LNX1: variants seen among roughly 807,000 people sequenced by gnomAD.
LNX1 encodes the protein E3 ubiquitin-protein ligase LNX.
LNX1 carries 54 observed loss-of-function variants against 68.4 expected under a neutral mutation model. That is an observed-to-expected ratio of 0.79 (90% CI 0.63 to 0.99). LNX1 has a LOEUF of 0.99. Ranked by LOEUF, LNX1 falls within the 50% of genes least tolerant of loss-of-function variation. The pLI is 0.00. For synonymous variants in LNX1, 336 were observed against 350.0 expected (o/e 0.96, Z 0.45); for missense variants, 906 against 926.4 (o/e 0.98, Z 0.29).
intron 1 of LNX1, among the ~76,000 whole-genome samples, chr4:53,647,782 C>T (rs544046360): frequency 6.6e-6 from 1 of 152,352 alleles, no homozygotes; most frequent in Admixed American, 6.5e-5. Flanking sequence ...TTTCCCTCAG[C>T]CCCCGGCAAC....
chr4:53,472,706 A>C (rs1242978605), intron 9 of LNX1, among the ~76,000 whole-genome samples: 2 of 149,448 alleles, frequency 1.3e-5, no homozygotes, highest in African/African-American at 4.9e-5. Context: ...AAAACAAAAA[A>C]CAATGGGGAA....
At chr4:53,600,916 A>G (rs1402564645) in intron 2 of LNX1, among the ~76,000 whole-genome samples, 1 of 150,572 alleles carries the variant, frequency 6.6e-6, no homozygotes, top group Non-Finnish European at 1.5e-5. Flanking sequence ...CATCTCTACT[A>G]AAAATACAAA....
upstream of LNX1, among the ~76,000 whole-genome samples, chr4:53,620,505 A>ACC (rs1226840161): frequency 2.6e-5 from 4 of 152,184 alleles, no homozygotes. Flanking sequence ...TGGGTCAGAC[A>ACC]CAGTGTTAGG....
At chr4:53,571,039 A>AG in intron 2 of LNX1, among the ~76,000 whole-genome samples, 1 of 151,996 alleles carries the variant, frequency 6.6e-6, no homozygotes, top group African/African-American at 2.4e-5. Context: ...AAAAAAAAAA[A>AG]AGAATCTTTT....
intron 1 of LNX1, among the ~76,000 whole-genome samples, chr4:53,585,475 T>C (rs898165846): frequency 2.7e-4 from 41 of 152,298 alleles, no homozygotes; most frequent in African/African-American, 9.9e-4. Flanking sequence ...TATCCATGTC[T>C]TAACCCCAGA....
chr4:53,474,119 T>G (rs1723412462), intron 9 of LNX1, among the ~76,000 whole-genome samples: 1 of 152,208 alleles, frequency 6.6e-6, no homozygotes, highest in South Asian at 2.1e-4. Flanking sequence ...GGCGCATGGC[T>G]GTTTAGATGT....
intron 6 of LNX1, among the ~76,000 whole-genome samples, chr4:53,494,726 G>A (rs1318084747): frequency 6.6e-6 from 1 of 152,198 alleles, no homozygotes; most frequent in Non-Finnish European, 1.5e-5. Context: ...ATCTAACCCA[G>A]GGGTACATAA....
At chr4:53,619,010 C>G (rs1314115037), upstream of LNX1, among the ~76,000 whole-genome samples, 1 of 152,074 alleles carries the variant, frequency 6.6e-6, no homozygotes, top group Non-Finnish European at 1.5e-5. Context: ...CCTCAGCTCC[C>G]AAAGTGCTGG....
At chr4:53,511,792 G>A (rs1038339261) in intron 2 of LNX1, among the ~76,000 whole-genome samples, 12 of 152,144 alleles carry the variant, frequency 7.9e-5, no homozygotes, top group Non-Finnish European at 1.5e-4. Flanking sequence ...ATTCACAGAC[G>A]TTCTGATAGG....
rs376187802 is a variant in LNX1, at chr4:53,564,953, T to C, written c.380+8670A>G. Among the ~76,000 whole-genome samples, 22 of 152,180 alleles carry C rather than the reference T, an allele frequency of 1.4e-4. No individual in the cohort carries two copies. In the East Asian group the frequency reaches 2.3e-3, roughly 16 times the overall value. On this transcript the variant is annotated intron_variant, in intron 2 of 10. Coordinates refer to ENST00000263925, the MANE Select transcript of LNX1 (RefSeq NM_001126328.3). ...GCGCTTTTCCGACGGGCTTAAAAAATGGCGCACCACGAGATTATATCCCCC... is the reference window on the plus strand; with the variant it reads ...GCGCTTTTCCGACGGGCTTAAAAAACGGCGCACCACGAGATTATATCCCCC...
intron 8 of LNX1, among the ~76,000 whole-genome samples, chr4:53,478,078 G>A (rs1723678687): frequency 6.6e-6 from 1 of 152,106 alleles, no homozygotes; most frequent in African/African-American, 2.4e-5. Context: ...GAATACATGA[G>A]CTTAAAGTAG....
intron 6 of LNX1, among the ~76,000 whole-genome samples, chr4:53,492,405 T>G (rs1325523327): frequency 6.6e-6 from 1 of 151,490 alleles, no homozygotes; most frequent in East Asian, 2.0e-4. Flanking sequence ...CTGTAAGAAA[T>G]GAGGTTGGAG....
chr4:53,472,758 G>A (rs1462958598), intron 9 of LNX1, among the ~76,000 whole-genome samples: 2 of 149,324 alleles, frequency 1.3e-5, no homozygotes, highest in East Asian at 2.0e-4. Context: ...CGTGAAAGCC[G>A]CCAAAGGTGT....
intron 1 of LNX1, among the ~76,000 whole-genome samples, chr4:53,582,667 G>A (rs1731907352): frequency 6.6e-6 from 1 of 152,080 alleles, no homozygotes; most frequent in Non-Finnish European, 1.5e-5. Context: ...GATTATTTCT[G>A]AGGTTACTTT....
chr4:53,519,894 A>G (rs1352624764), intron 2 of LNX1, among the ~76,000 whole-genome samples: 9 of 152,212 alleles, frequency 5.9e-5, no homozygotes, highest in Admixed American at 5.9e-4. Context: ...GACTGACTGG[A>G]TTCTTGAGAC....
At chr4:53,599,662 C>T (rs1241733410) in intron 2 of LNX1, among the ~76,000 whole-genome samples, 1 of 152,152 alleles carries the variant, frequency 6.6e-6, no homozygotes. Context: ...TGCCAGTTGA[C>T]TATAGAGCCC....
At chr4:53,461,411 T>G (rs2150548897) in intron 10 of LNX1, 24 bp downstream of exon 10, 1 of 1,556,014 alleles carries the variant, frequency 6.4e-7, no homozygotes, top group Non-Finnish European at 8.8e-7. Flanking sequence ...AATACAAGTA[T>G]TTTTGATTAG....
At chr4:53,465,779 A>G (rs186916214) in intron 9 of LNX1, among the ~76,000 whole-genome samples, 1 of 152,342 alleles carries the variant, frequency 6.6e-6, no homozygotes, top group Non-Finnish European at 1.5e-5. Flanking sequence ...GTTGGTTTTC[A>G]TATCACTAGT....
intron 6 of LNX1, among the ~76,000 whole-genome samples, chr4:53,491,778 C>G (rs1408024332): frequency 5.1e-4 from 76 of 149,192 alleles, no homozygotes; most frequent in African/African-American, 1.7e-3. Context: ...GCTTTAAGTG[C>G]TGAGGATACG....
Sources: allele counts gnomAD v4.1 joint callset (sites outside exome capture counted in the v4.1 genomes callset), GRCh38; gene constraint gnomAD v4.1.1; transcripts MANE v1.5; gene names NCBI Gene and HGNC (gene_info 2026-07-23, HGNC 2026-07-21).